Variants in DSCAM observed in about 807,000 individuals in gnomAD.
DSCAM encodes the protein cell adhesion molecule DSCAM.
DSCAM carries 47 observed loss-of-function variants against 217.7 expected under a neutral mutation model. The ratio of observed to expected loss-of-function variants is 0.22; its 90% CI spans 0.17 to 0.28. DSCAM has a LOEUF of 0.28. DSCAM is among the 10% of genes least tolerant of loss of function. The pLI, the probability that DSCAM is intolerant of heterozygous loss-of-function variation, is 1.00. For synonymous variants in DSCAM, 1,056 were observed against 1,015.3 expected (o/e 1.04, Z -0.76); for missense variants, 2,080 against 2,618.3 (o/e 0.79, Z 4.49).
chr21:40,569,893 T>C (rs1168713503), intron 3 of DSCAM, among the ~76,000 whole-genome samples: 1 of 151,450 alleles, frequency 6.6e-6, no homozygotes, highest in African/African-American at 2.4e-5. Context: ...ATATAGAACA[T>C]AGAATTAGCA....
At chr21:40,580,929 G>A (rs1014266221) in intron 3 of DSCAM, among the ~76,000 whole-genome samples, 1 of 152,140 alleles carries the variant, frequency 6.6e-6, no homozygotes, top group Non-Finnish European at 1.5e-5. Context: ...AAACAAATTA[G>A]CTCAATATTC....
chr21:40,087,741 T>C (rs1439418640), intron 21 of DSCAM, among the ~76,000 whole-genome samples: 1 of 152,198 alleles, frequency 6.6e-6, no homozygotes, highest in African/African-American at 2.4e-5. Flanking sequence ...ACTTAACAAT[T>C]TCCCGACTGT....
At chr21:40,116,860 G>T (rs1451608955) in intron 20 of DSCAM, among the ~76,000 whole-genome samples, 1 of 151,580 alleles carries the variant, frequency 6.6e-6, no homozygotes, top group Non-Finnish European at 1.5e-5. Context: ...ACATTAGCCA[G>T]GCATGGTGGC....
intron 26 of DSCAM, among the ~76,000 whole-genome samples, chr21:40,076,359 A>T (rs1298158185): frequency 6.6e-6 from 1 of 152,118 alleles, no homozygotes; most frequent in African/African-American, 2.4e-5. Context: ...CAGAAGAAAG[A>T]GTGAGATCAT....
At chr21:40,217,142 G>A (rs991461056) in intron 11 of DSCAM, among the ~76,000 whole-genome samples, 2 of 152,252 alleles carry the variant, frequency 1.3e-5, no homozygotes, top group Non-Finnish European at 2.9e-5. Flanking sequence ...TATATTTGAA[G>A]TCTCAGAAGA....
intron 11 of DSCAM, among the ~76,000 whole-genome samples, chr21:40,217,675 A>G (rs936095321): frequency 2.6e-5 from 4 of 152,084 alleles, no homozygotes; most frequent in Non-Finnish European, 5.9e-5. Context: ...TTATTTTTAT[A>G]CTTTTTAATA....
At chr21:40,171,541 T>C (rs906132001) in intron 15 of DSCAM, among the ~76,000 whole-genome samples, 1 of 150,748 alleles carries the variant, frequency 6.6e-6, no homozygotes, top group Non-Finnish European at 1.5e-5. Flanking sequence ...GCCTGTTCCC[T>C]GAAGTGAAAG....
chr21:40,162,138 C>T (rs2090547259), intron 16 of DSCAM, among the ~76,000 whole-genome samples: 1 of 152,186 alleles, frequency 6.6e-6, no homozygotes, highest in African/African-American at 2.4e-5. Flanking sequence ...GTTGACTGCT[C>T]AGAAACCCAG....
intron 3 of DSCAM, among the ~76,000 whole-genome samples, chr21:40,642,476 AAG>A (rs1218490091): frequency 3.3e-5 from 5 of 152,182 alleles, no homozygotes; most frequent in African/African-American, 4.8e-5. Flanking sequence ...AGCTTCCAAA[AAG>A]AGAAATTTTT....
At chr21:40,476,313 G>T (rs551921710) in intron 3 of DSCAM, among the ~76,000 whole-genome samples, 1 of 152,184 alleles carries the variant, frequency 6.6e-6, no homozygotes, top group South Asian at 2.1e-4. Flanking sequence ...TCATGGATAC[G>T]ACTTGGACCA....
intron 3 of DSCAM, among the ~76,000 whole-genome samples, chr21:40,415,174 A>AT (rs907486832): frequency 9.8e-5 from 15 of 152,286 alleles, no homozygotes; most frequent in African/African-American, 3.4e-4. Flanking sequence ...AACGAGCCTG[A>AT]TTTTTTCTAA....
chr21:40,544,339 A>G (rs1370079198), intron 3 of DSCAM, among the ~76,000 whole-genome samples: 1 of 152,218 alleles, frequency 6.6e-6, no homozygotes, highest in Non-Finnish European at 1.5e-5. Flanking sequence ...TGTCACCCCA[A>G]AATTAAGAAA....
intron 3 of DSCAM, among the ~76,000 whole-genome samples, chr21:40,389,505 C>T (rs1185770997): frequency 6.6e-6 from 1 of 152,162 alleles, no homozygotes; most frequent in Non-Finnish European, 1.5e-5. Flanking sequence ...GGATTTTTAT[C>T]ATTAATACTG....
rs371017133 is a variant in DSCAM at position 40,062,890 on chromosome 21, C to G, written c.4898G>C (p.Ser1633Thr). The change falls in exon 28 of 33, where the codon AGT becomes ACT. Residue 1633 changes from serine to threonine, a missense_variant. Ser to Thr is a moderately conservative substitution (Grantham distance 58). This residue lies in a region of DSCAM where 1,144 missense variants were observed against 1,421.1 expected (regional missense o/e 0.81). Transcript: ENST00000400454. ...QRLKRLRDAK[S>T]LAEMLMSKNT... ...TTACCTCATGAGCATTTCAGCTAAACTCTTTGCATCTGGGGAAAGAAAGTT... is the reference window on the plus strand; with the variant it reads ...TTACCTCATGAGCATTTCAGCTAAAGTCTTTGCATCTGGGGAAAGAAAGTT... The G allele has an allele frequency of 3.1e-6, 5 of 1,598,164 alleles. No homozygotes were observed. The African/African-American group carries it at 6.8e-5, about 22-fold the overall frequency.
intron 3 of DSCAM, among the ~76,000 whole-genome samples, chr21:40,398,007 C>G (rs752944688): frequency 1.3e-5 from 2 of 152,126 alleles, no homozygotes; most frequent in Admixed American, 6.5e-5. Context: ...CGGAGCATTA[C>G]TCCTTGTCAA....
intron 10 of DSCAM, among the ~76,000 whole-genome samples, chr21:40,288,807 C>T (rs1420983406): frequency 2.6e-5 from 4 of 152,154 alleles, no homozygotes; most frequent in Admixed American, 1.3e-4. Context: ...AGTCATCTTA[C>T]TAAATCATCA....
chr21:40,725,912 T>C (rs2090951097), intron 1 of DSCAM, among the ~76,000 whole-genome samples: 1 of 152,148 alleles, frequency 6.6e-6, no homozygotes. Context: ...TTTTGACCTC[T>C]CATGTACCCT....
At chr21:40,293,735 G>A (rs2073922203) in intron 10 of DSCAM, among the ~76,000 whole-genome samples, 1 of 152,104 alleles carries the variant, frequency 6.6e-6, no homozygotes, top group Non-Finnish European at 1.5e-5. Context: ...TGAGGCAGAA[G>A]AATTGCTTGA....
intron 20 of DSCAM, among the ~76,000 whole-genome samples, chr21:40,111,958 A>T (rs1429922914): frequency 1.3e-5 from 2 of 152,006 alleles, no homozygotes; most frequent in African/African-American, 2.4e-5. Context: ...CTCCCACACA[A>T]TAATAATGGG....
Sources: allele counts gnomAD v4.1 joint callset (sites outside exome capture counted in the v4.1 genomes callset), GRCh38; gene constraint gnomAD v4.1.1; regional missense constraint gnomAD v4.1.1; transcripts MANE v1.5; gene names NCBI Gene and HGNC (gene_info 2026-07-23, HGNC 2026-07-21).